The following PTER variants were observed in gnomAD, a reference collection of about 807,000 sequenced individuals.
PTER encodes the protein N-acetyltaurine hydrolase.
In PTER, 38 loss-of-function variants were observed where a neutral mutation model predicts 29.6. That is an observed-to-expected ratio of 1.28 (90% confidence interval 0.99 to 1.68). The LOEUF (loss-of-function observed/expected upper bound fraction) is 1.68, where lower values mean the gene tolerates loss of function less well. PTER is among the 40% of genes most tolerant of loss of function. The probability of loss-of-function intolerance (pLI) is 0.00; values close to 1 mark genes in which losing one functional copy is unlikely to be tolerated. For missense variants in PTER, 482 were observed against 427.8 expected, an observed-to-expected ratio of 1.13 and a Z score of -1.12; for synonymous variants, 172 against 154.5, an observed-to-expected ratio of 1.11 and a Z score of -0.84.
Position 16,511,312 on chromosome 10 carries a change from G to T in PTER, c.*56G>T, listed in dbSNP as rs980038186. 2.1e-6 allele frequency: 3 copies of T among 1,449,278 alleles called. No homozygotes were observed. The Admixed American group carries it at 5.0e-5, about 24-fold the overall frequency. 89.8% of individuals were successfully genotyped at this position (1,449,278 alleles called of 1,614,324 possible). On this transcript the variant is annotated 3_prime_UTR_variant, in exon 5 of 5. Transcript: ENST00000535784. ...ATAAAACTTGCAGAGAACATTCAGC[G>T]ATTTCCAGTCCACTGTGAGATATTA...
At chr10:16,490,767 A>G (rs991332401) in intron 3 of PTER, among the ~76,000 whole-genome samples, 7 of 150,960 alleles carry the variant, frequency 4.6e-5, no homozygotes, top group Non-Finnish European at 8.8e-5. Context: ...ATCTCCATCT[A>G]TTTACAGTTA....
chr10:16,487,123 T>C (rs1835732102), intron 3 of PTER, among the ~76,000 whole-genome samples: 2 of 152,330 alleles, frequency 1.3e-5, no homozygotes, highest in Admixed American at 1.3e-4. Flanking sequence ...AATGCAATTA[T>C]AAAAAATAAT....
intron 1 of PTER, among the ~76,000 whole-genome samples, chr10:16,447,246 A>G (rs144940693): frequency 0.018 from 2,706 of 151,340 alleles, 85 homozygotes; most frequent in African/African-American, 0.063. Context: ...GACGACAGGC[A>G]CATGCCACAC....
At chr10:16,514,349 A>T (rs1836914744), downstream of PTER, 1 of 596,254 alleles carries the variant, frequency 1.7e-6, no homozygotes, top group Non-Finnish European at 3.0e-6. Flanking sequence ...TCTTGCTTTG[A>T]TATTTTTTAC....
intron 1 of PTER, among the ~76,000 whole-genome samples, chr10:16,443,176 G>A (rs1000052805): frequency 2.6e-5 from 4 of 152,120 alleles, no homozygotes; most frequent in African/African-American, 9.7e-5. Context: ...CCAGATCAAG[G>A]TGTCAGCAGT....
intron 1 of PTER, among the ~76,000 whole-genome samples, chr10:16,466,482 A>G (rs1262253854): frequency 6.6e-6 from 1 of 152,160 alleles, no homozygotes; most frequent in Admixed American, 6.5e-5. Context: ...CAGCCTCCCA[A>G]GTAACTGGGA....
chr10:16,438,926 A>AAC (rs1490406531), intron 1 of PTER, among the ~76,000 whole-genome samples: 1 of 146,088 alleles, frequency 6.8e-6, no homozygotes, highest in Non-Finnish European at 1.5e-5. Flanking sequence ...GTCTCAAAAA[A>AAC]AAAAAAAAAA....
chr10:16,484,313 G>C lies in PTER; in HGVS notation c.-48-24G>C, dbSNP rs1835595806. The C allele has an allele frequency of 2.3e-6, 3 of 1,320,048 alleles. No individual in the cohort carries two copies. The Admixed American group carries it at 6.9e-5, about 30-fold the overall frequency. The allele number at this position is 1,320,048 out of a possible 1,614,324, so 81.8% of individuals were successfully genotyped here. A position where few individuals can be genotyped will look rare whatever the true frequency, so the allele number is the denominator to read the frequency against. Reference sequence around the variant, plus strand: ...TGTGTTAAATATTCTGATTGTAGTTGTTTGTTTGTTTGTTTGTTTTTAGAA... The same window carrying C: ...TGTGTTAAATATTCTGATTGTAGTTCTTTGTTTGTTTGTTTGTTTTTAGAA... On this transcript the variant is annotated intron_variant, in intron 1 of 4. Coordinates refer to ENST00000535784, the MANE Select transcript of PTER (RefSeq NM_001261836.2).
chr10:16,445,745 C>G (rs1833992037), intron 1 of PTER, among the ~76,000 whole-genome samples: 1 of 152,166 alleles, frequency 6.6e-6, no homozygotes, highest in African/African-American at 2.4e-5. Flanking sequence ...AATGTCTTCT[C>G]TGAAAACATT....
At chr10:16,508,874 G>C (rs962601677) in intron 4 of PTER, among the ~76,000 whole-genome samples, 9 of 152,136 alleles carry the variant, frequency 5.9e-5, no homozygotes, top group African/African-American at 2.2e-4. Context: ...CATCATGCAT[G>C]AAAGGACCAC....
intron 1 of PTER, among the ~76,000 whole-genome samples, chr10:16,482,166 G>A (rs1835503646): frequency 6.6e-6 from 1 of 152,188 alleles, no homozygotes; most frequent in Non-Finnish European, 1.5e-5. Flanking sequence ...CTGTCCAAAA[G>A]TCTAAATCCA....
intron 4 of PTER, 92 bp downstream of exon 4, chr10:16,505,252 A>G (rs1836518174): frequency 6.7e-7 from 1 of 1,493,778 alleles, no homozygotes; most frequent in Non-Finnish European, 9.1e-7. Flanking sequence ...TTCAGAAAAC[A>G]GTAAGCAGGC....
intron 1 of PTER, among the ~76,000 whole-genome samples, chr10:16,477,782 A>C (rs1318624272): frequency 6.6e-6 from 1 of 152,208 alleles, no homozygotes; most frequent in Non-Finnish European, 1.5e-5. Context: ...CTATGAGAGG[A>C]ATATAGATAT....
At chr10:16,516,291 C>T (rs6602130), downstream of PTER, among the ~76,000 whole-genome samples, 88,909 of 151,964 alleles carry the variant, frequency 0.59, 26,713 homozygotes, top group African/African-American at 0.73. Flanking sequence ...TAAATAATGA[C>T]GCAGTTTGAC....
intron 1 of PTER, among the ~76,000 whole-genome samples, chr10:16,445,031 A>G (rs1246632139): frequency 6.6e-6 from 1 of 152,202 alleles, no homozygotes; most frequent in Non-Finnish European, 1.5e-5. Flanking sequence ...GTAGGGGTTC[A>G]CTACACTGCA....
rs367575826 is a variant in PTER, at chr10:16,486,371, A to G, written c.452A>G (p.Asn151Ser). The stretch of plus-strand genomic sequence containing the variant: ...CCTTAGCTTACCGATGTCCTTATGA[A>G]TGAAATTCTCCATGGAGCTGATGGA... ...SVEQLTDVLMNEILHGADGTS... is the reference protein window; with the variant it reads ...SVEQLTDVLMSEILHGADGTS... Residue 151 changes from asparagine to serine, a missense_variant, in exon 3 of 5, where the codon AAT becomes AGT. Transcript: ENST00000535784. 89 of 1,613,704 alleles carry G rather than the reference A, an allele frequency of 5.5e-5. No homozygotes were observed. Among genetic ancestry groups the G allele is most frequent in the Non-Finnish European group, 7.5e-5 (88 of 1,179,800 alleles).
chr10:16,499,648 T>G (rs548171073), intron 3 of PTER, among the ~76,000 whole-genome samples: 1 of 152,092 alleles, frequency 6.6e-6, no homozygotes, highest in Non-Finnish European at 1.5e-5. Flanking sequence ...TTTGCCATGT[T>G]GCCCAAGCTG....
chr10:16,486,207 C>T, intron 2 of PTER, 145 bp from the exon 3 acceptor site: 1 of 968,168 alleles, frequency 1.0e-6, no homozygotes, highest in Admixed American at 3.1e-5. Context: ...ATGCCTTTTT[C>T]CTTGGCCAAT....
chr10:16,493,890 A>G (rs1226530955), intron 3 of PTER, among the ~76,000 whole-genome samples: 3 of 152,216 alleles, frequency 2.0e-5, no homozygotes, highest in African/African-American at 4.8e-5. Flanking sequence ...AGTATTCCAG[A>G]TTATACTATT....
Sources: allele counts gnomAD v4.1 joint callset (sites outside exome capture counted in the v4.1 genomes callset), GRCh38; gene constraint gnomAD v4.1.1; transcripts MANE v1.5; gene names NCBI Gene and HGNC (gene_info 2026-07-23, HGNC 2026-07-21).